Variants in LIFR observed in about 807,000 individuals in gnomAD.
LIFR encodes the protein LIF receptor subunit alpha.
A neutral mutation model predicts 122.2 loss-of-function variants in LIFR; 84 were observed. The observed-to-expected ratio is 0.69, with a 90% CI of 0.58 to 0.82. The LOEUF (loss-of-function observed/expected upper bound fraction) is 0.82. LIFR is among the 40% of genes least tolerant of loss of function. The pLI, the probability that LIFR is intolerant of heterozygous loss-of-function variation, is 0.00. For missense variants in LIFR, 1,294 were observed against 1,311.6 expected (o/e 0.99, Z 0.21); for synonymous variants, 422 against 434.7 (o/e 0.97, Z 0.36).
At chr5:38,511,710 G>GAA in intron 6 of LIFR, 80 bp downstream of exon 6, 2 of 1,386,332 alleles carry the variant, frequency 1.4e-6, no homozygotes, top group Non-Finnish European at 1.0e-6. Flanking sequence ...TATGAGAAGT[G>GAA]AAAGCTCAAA....
chr5:38,545,735 G>A (rs149907867), intron 1 of LIFR, among the ~76,000 whole-genome samples: 10 of 151,490 alleles, frequency 6.6e-5, no homozygotes, highest in South Asian at 4.2e-4. Context: ...GGTGGCGGGC[G>A]CCTGTAGTCC....
chr5:38,538,973 T>G (rs936530805), intron 1 of LIFR, among the ~76,000 whole-genome samples: 1 of 152,140 alleles, frequency 6.6e-6, no homozygotes, highest in Non-Finnish European at 1.5e-5. Context: ...TCTCTCTTTT[T>G]TTTTTGAGAC....
At chr5:38,496,783 C>T (rs753195546) in intron 12 of LIFR, among the ~76,000 whole-genome samples, 188 bp from the exon 13 acceptor site, 15 of 152,000 alleles carry the variant, frequency 9.9e-5, no homozygotes, top group Non-Finnish European at 1.9e-4. Context: ...TCGAGACCAG[C>T]CTGGCCAACA....
In LIFR at chr5:38,517,964, A is replaced by C. The variant is rs572284409; in HGVS notation, c.561+5455T>G. Among the ~76,000 whole-genome samples, 658 of 150,834 alleles carry C rather than the reference A, an allele frequency of 4.4e-3. 9 individuals are homozygous for C. The highest frequency in any genetic ancestry group is 0.015 in the African/African-American group (607 of 41,190). On this transcript the variant is annotated intron_variant, in intron 5 of 19. Coordinates refer to ENST00000453190, the MANE Select transcript of LIFR (RefSeq NM_001127671.2). ...TATGAAAAAAAAAAAAACAAACAAA[A>C]AAAAACAGCTGGGCACAGCAGCATG...
chr5:38,497,200 T>C (rs1744928402), intron 12 of LIFR, among the ~76,000 whole-genome samples: 1 of 152,118 alleles, frequency 6.6e-6, no homozygotes, highest in African/African-American at 2.4e-5. Flanking sequence ...GGAGAATCAC[T>C]TGAACCTGGC....
At position 38,480,562 on chromosome 5, in the gene LIFR, C is replaced by T. The variant is rs553146386; in HGVS notation, c.*1033G>A. 1 of 219,270 alleles carries T rather than the reference C, an allele frequency of 4.6e-6. No individual in the cohort carries two copies. The highest frequency in any genetic ancestry group is 9.2e-6 in the Non-Finnish European group (1 of 109,160). The allele number at this position is 219,270 out of a possible 1,614,324, so 13.6% of individuals were successfully genotyped here. ...GACTCATGAGTGGGAGGAACATCCACCAGAAGGTGTCAAAGATCACCACTG... is the reference window on the plus strand; with the variant it reads ...GACTCATGAGTGGGAGGAACATCCATCAGAAGGTGTCAAAGATCACCACTG... On this transcript the variant is annotated 3_prime_UTR_variant, in exon 20 of 20. Coordinates refer to ENST00000453190, the MANE Select transcript of LIFR (RefSeq NM_001127671.2).
chr5:38,547,869 C>A (rs185542208), intron 1 of LIFR, among the ~76,000 whole-genome samples: 233 of 152,036 alleles, frequency 1.5e-3, no homozygotes, highest in African/African-American at 5.3e-3. Flanking sequence ...ATCTGTGCAC[C>A]GTTACTGTAC....
chr5:38,526,877 G>T (rs1414439952), intron 4 of LIFR, among the ~76,000 whole-genome samples: 4 of 152,040 alleles, frequency 2.6e-5, no homozygotes, highest in African/African-American at 9.7e-5. Context: ...TAGAGCAAGG[G>T]GCATCTGAGA....
chr5:38,520,725 G>C lies in LIFR; in HGVS notation c.561+2694C>G, dbSNP rs145707421. On this transcript the variant is annotated intron_variant, in intron 5 of 19. Coordinates refer to ENST00000453190, the MANE Select transcript of LIFR (RefSeq NM_001127671.2). ...AACTATGTATGTTCTTGGTACCTTT[G>C]TCAAAGATAAGTTTGCTATAAAAAC... Among the ~76,000 whole-genome samples, 22 of 152,182 alleles carry C rather than the reference G, an allele frequency of 1.4e-4. No individual in the cohort carries two copies. In the East Asian group the frequency reaches 3.5e-3, roughly 24 times the overall value.
At chr5:38,598,510 G>T (rs1750164581), upstream of LIFR, among the ~76,000 whole-genome samples, 1 of 151,764 alleles carries the variant, frequency 6.6e-6, no homozygotes, top group Non-Finnish European at 1.5e-5. Context: ...CCTCCCAAAA[G>T]GCACACTTTC....
intron 16 of LIFR, among the ~76,000 whole-genome samples, chr5:38,487,764 T>C (rs1017006975): frequency 6.6e-6 from 1 of 152,196 alleles, no homozygotes; most frequent in African/African-American, 2.4e-5. Context: ...GAAGGGGATC[T>C]GCTTGTAGTT....
rs1038781260 is a variant in LIFR at position 38,499,501 on chromosome 5, T to C, written c.1671+12A>G. 39 of 1,527,902 alleles carry C rather than the reference T, an allele frequency of 2.6e-5. No individual in the cohort carries two copies. The highest frequency in any genetic ancestry group is 3.5e-5 in the Non-Finnish European group (39 of 1,101,716). The allele number at this position is 1,527,902 out of a possible 1,614,324, so 94.6% of individuals were successfully genotyped here. On this transcript the variant is annotated intron_variant, in intron 12 of 19. Transcript: ENST00000453190. Reference sequence around the variant, plus strand: ...AGTAATGTAAATGTTCACAGAAAAATTAGATATTTACCTTCCAATAGATTA... The same window carrying C: ...AGTAATGTAAATGTTCACAGAAAAACTAGATATTTACCTTCCAATAGATTA...
intron 13 of LIFR, among the ~76,000 whole-genome samples, chr5:38,495,215 A>T (rs538349476): frequency 5.9e-5 from 9 of 152,324 alleles, no homozygotes; most frequent in African/African-American, 2.2e-4. Flanking sequence ...TTTCTAAGGG[A>T]TACACAGAAA....
intron 1 of LIFR, chr5:38,530,868 C>A: frequency 1.9e-6 from 1 of 517,178 alleles, no homozygotes; most frequent in South Asian, 2.7e-5. Context: ...GTATCTACTA[C>A]GAGGCCAATT....
rs761650027 is a variant in LIFR at position 38,482,569 on chromosome 5, A to G, written c.2670+20T>C. 7.1e-6 allele frequency: 9 copies of G among 1,259,566 alleles called. No individual in the cohort carries two copies. Among genetic ancestry groups the G allele is most frequent in the Non-Finnish European group, 7.9e-6 (7 of 889,134 alleles). 78.0% of individuals were successfully genotyped at this position (1,259,566 alleles called of 1,614,324 possible). On this transcript the variant is annotated intron_variant, in intron 19 of 19. Coordinates refer to ENST00000453190, the MANE Select transcript of LIFR (RefSeq NM_001127671.2). ...AGAAGCCAGCACATCAAAGATAAAT[A>G]TAAGAAAATAAAAGATTACCTCACA...
At chr5:38,579,266 C>T (rs1749499400) in intron 1 of LIFR, 2 of 152,146 alleles carry the variant, frequency 1.3e-5, no homozygotes, top group Non-Finnish European at 2.9e-5. Flanking sequence ...AAGAAACACA[C>T]CTTACCCACA....
At chr5:38,578,646 G>A (rs1749477579) in intron 1 of LIFR, among the ~76,000 whole-genome samples, 1 of 151,570 alleles carries the variant, frequency 6.6e-6, no homozygotes, top group African/African-American at 2.4e-5. Context: ...CTGCCTCCCG[G>A]GTTCAAGTGA....
intron 6 of LIFR, among the ~76,000 whole-genome samples, chr5:38,511,173 T>C (rs1350103934): frequency 2.0e-5 from 3 of 152,190 alleles, no homozygotes; most frequent in African/African-American, 7.2e-5. Context: ...AGCCTAAATA[T>C]ATGCCCAAGT....
intron 1 of LIFR, among the ~76,000 whole-genome samples, chr5:38,581,767 A>G (rs574695779): frequency 6.6e-6 from 1 of 152,224 alleles, no homozygotes; most frequent in Non-Finnish European, 1.5e-5. Context: ...AGCAAGTCAC[A>G]TGGCCAAAAT....
Sources: gnomAD v4.1 joint callset for allele counts (sites outside exome capture counted in the v4.1 genomes callset) on GRCh38, gnomAD v4.1.1 for gene constraint, MANE v1.5 for transcripts, NCBI Gene and HGNC (gene_info 2026-07-23, HGNC 2026-07-21) for gene names.